ADCY3: variants seen among roughly 807,000 people sequenced by gnomAD.
ADCY3 encodes the protein adenylate cyclase 3.
In ADCY3, 70 loss-of-function variants were observed where a neutral mutation model predicts 119.4. The ratio of observed to expected loss-of-function variants is 0.59; its 90% CI spans 0.48 to 0.72. The LOEUF is 0.72. Ranked by LOEUF, ADCY3 falls within the 30% of genes least tolerant of loss-of-function variation. ADCY3 has a pLI of 0.00. For missense variants in ADCY3, 1,238 were observed against 1,541.6 expected, an observed-to-expected ratio of 0.80 and a Z score of 3.30; for synonymous variants, 672 against 621.4, an observed-to-expected ratio of 1.08 and a Z score of -1.21.
chr2:24,911,137 T>A (rs1423631416), intron 2 of ADCY3, among the ~76,000 whole-genome samples: 2 of 151,500 alleles, frequency 1.3e-5, no homozygotes, highest in Non-Finnish European at 2.9e-5. Context: ...TTGCTCCTTC[T>A]AATGCTTGTG....
At chr2:24,911,637 CAAA>C (rs60134317) in intron 2 of ADCY3, among the ~76,000 whole-genome samples, 56,568 of 109,462 alleles carry the variant, frequency 0.52, 12,919 homozygotes, top group African/African-American at 0.59. Flanking sequence ...GAGACAGACT[CAAA>C]AAAAAAAAAA....
intron 3 of ADCY3, among the ~76,000 whole-genome samples, chr2:24,849,651 G>A (rs757723434): frequency 3.3e-5 from 5 of 152,332 alleles, no homozygotes; most frequent in Non-Finnish European, 7.4e-5. Context: ...AGTGAAGCAG[G>A]CCAACAGTCT....
intron 3 of ADCY3, among the ~76,000 whole-genome samples, chr2:24,859,487 G>A (rs1228184279): frequency 2.0e-5 from 3 of 152,170 alleles, no homozygotes; most frequent in Non-Finnish European, 2.9e-5. Context: ...CCTACCAAGC[G>A]CCTATAAGAA....
At chr2:24,820,927 C>T in intron 20 of ADCY3, 79 bp from the exon 21 acceptor site, 1 of 1,563,014 alleles carries the variant, frequency 6.4e-7, no homozygotes, top group African/African-American at 1.4e-5. Flanking sequence ...CCTCTCCAGA[C>T]CTGTACCACA....
intron 3 of ADCY3, among the ~76,000 whole-genome samples, chr2:24,868,122 A>C (rs542329124): frequency 9.9e-5 from 15 of 152,246 alleles, no homozygotes; most frequent in Non-Finnish European, 1.8e-4. Flanking sequence ...TTGAAATTAG[A>C]GTATGTTCTC....
intron 2 of ADCY3, among the ~76,000 whole-genome samples, chr2:24,888,826 T>C (rs1677360946): frequency 6.6e-6 from 1 of 152,192 alleles, no homozygotes. Flanking sequence ...CTGACCAATA[T>C]GGTGAGACCC....
intron 2 of ADCY3, among the ~76,000 whole-genome samples, chr2:24,873,605 T>C (rs190158397): frequency 1.1e-4 from 16 of 152,338 alleles, no homozygotes; most frequent in African/African-American, 1.4e-4. Context: ...ATCCCAACCC[T>C]GCCTGGCGGC....
chr2:24,905,235 A>G (rs1434630153), intron 2 of ADCY3, among the ~76,000 whole-genome samples: 1 of 148,884 alleles, frequency 6.7e-6, no homozygotes, highest in Non-Finnish European at 1.5e-5. Flanking sequence ...CTGGGTTCAC[A>G]CCATTCCCCT....
At chr2:24,897,580 T>A (rs1376209475) in intron 2 of ADCY3, among the ~76,000 whole-genome samples, 1 of 152,140 alleles carries the variant, frequency 6.6e-6, no homozygotes, top group East Asian at 1.9e-4. Flanking sequence ...TGGTCAGTGT[T>A]CCTCCCAACT....
At chr2:24,859,135 G>A (rs1258107399) in intron 3 of ADCY3, among the ~76,000 whole-genome samples, 1 of 152,230 alleles carries the variant, frequency 6.6e-6, no homozygotes. Flanking sequence ...GGGTGGTTCT[G>A]TGAAGAAGAT....
intron 20 of ADCY3, 195 bp downstream of exon 20, chr2:24,821,322 C>A: frequency 1.4e-6 from 1 of 704,676 alleles, no homozygotes; most frequent in Non-Finnish European, 2.3e-6. Flanking sequence ...ATCATCACAT[C>A]AGCTGGGTTT....
Position 24,821,590 on chromosome 2 carries a change from G to T in ADCY3, c.3054C>A (p.Asp1018Glu), listed in dbSNP as rs1168040775. The change falls in exon 20 of 22, where the codon GAC (aspartate) becomes GAA (glutamate). Residue 1018 changes from aspartate to glutamate, a missense_variant. Coordinates refer to ENST00000679454, the MANE Select transcript of ADCY3 (RefSeq NM_004036.5). Reference sequence around the variant, plus strand: ...GCGTATCCTTCATGGCCAGCGCGAAGTCGGCCAGGTCAGCCAGGTGCTGCC... The same window carrying T: ...GCGTATCCTTCATGGCCAGCGCGAATTCGGCCAGGTCAGCCAGGTGCTGCC... ...ERWQHLADLA[D>E]FALAMKDTLT... The T allele has an allele frequency of 1.2e-6, 2 of 1,614,182 alleles. No individual in the cohort carries two copies.
At chr2:24,895,285 T>G (rs996682110) in intron 2 of ADCY3, among the ~76,000 whole-genome samples, 1 of 111,656 alleles carries the variant, frequency 9.0e-6, no homozygotes, top group Non-Finnish European at 1.7e-5. Context: ...GAGACGGGGT[T>G]TGACCATGTT....
chr2:24,914,004 A>T (rs944044530), intron 2 of ADCY3, among the ~76,000 whole-genome samples: 1 of 129,802 alleles, frequency 7.7e-6, no homozygotes, highest in African/African-American at 3.0e-5. Flanking sequence ...CATTGTCCGC[A>T]CTCATTGGCC....
chr2:24,851,885 G>A (rs1302557718), intron 3 of ADCY3, among the ~76,000 whole-genome samples: 1 of 152,142 alleles, frequency 6.6e-6, no homozygotes, highest in Non-Finnish European at 1.5e-5. Context: ...CTCGCGCGTT[G>A]TTCCATTTCT....
chr2:24,899,264 T>C lies in ADCY3; in HGVS notation c.675+19049A>G, dbSNP rs1678638479. On this transcript the variant is annotated intron_variant, in intron 2 of 21. Transcript: ENST00000679454. This position sits in a 1 kb window ranked among gnomAD's most constrained non-coding sequence, Gnocchi z 4.5. ...TCCCTCCTCCTGGCACACCGCCTCC[T>C]TCTCCCCAAACCACCATCCGCTCTT... Among the ~76,000 whole-genome samples the C allele has an allele frequency of 6.6e-6, 1 of 152,190 alleles. No homozygotes were observed. The highest frequency in any genetic ancestry group is 2.4e-5 in the African/African-American group (1 of 41,450).
intron 9 of ADCY3, among the ~76,000 whole-genome samples, chr2:24,836,374 C>G (rs1240057479): frequency 6.6e-6 from 1 of 152,270 alleles, no homozygotes; most frequent in East Asian, 1.9e-4. Context: ...GGGCAGACAT[C>G]CCATCTCTGC....
At chr2:24,912,560 T>C (rs1663864460) in intron 2 of ADCY3, among the ~76,000 whole-genome samples, 1 of 74,234 alleles carries the variant, frequency 1.3e-5, no homozygotes, top group African/African-American at 9.2e-5. Context: ...CATGTGTGTG[T>C]GTGTGTGCAT....
chr2:24,918,695 A>G lies in ADCY3; in HGVS notation c.293T>C (p.Val98Ala), dbSNP rs750546115. 1 of 1,614,084 alleles carries G rather than the reference A, an allele frequency of 6.2e-7. No homozygotes were observed. Among genetic ancestry groups the G allele is most frequent in the Admixed American group, 1.7e-5 (1 of 60,022 alleles). ...FDCYVVVMCA[V>A]VFSSDKLASL... ...AGCCAGCTTGTCGCTGGAGAAGACCACAGCACACATGACCACCACGTAGCA... is the reference window on the plus strand; with the variant it reads ...AGCCAGCTTGTCGCTGGAGAAGACCGCAGCACACATGACCACCACGTAGCA... The change falls in exon 2 of 22, where the codon GTG (valine) becomes GCG (alanine). Residue 98 changes from valine (V) to alanine (A), a missense_variant. Coordinates refer to ENST00000679454, the MANE Select transcript of ADCY3 (RefSeq NM_004036.5). This position sits in a 1 kb window ranked among gnomAD's most constrained non-coding sequence, Gnocchi z 5.4.
Sources: allele counts gnomAD v4.1 joint callset (sites outside exome capture counted in the v4.1 genomes callset), GRCh38; gene constraint gnomAD v4.1.1; non-coding constraint Gnocchi (gnomAD v3.1); transcripts MANE v1.5; gene names NCBI Gene and HGNC (gene_info 2026-07-23, HGNC 2026-07-21).